Variants in COL9A2 observed in about 807,000 individuals in gnomAD.
COL9A2 encodes the protein collagen alpha-2(IX) chain.
In COL9A2, 66 loss-of-function variants were observed where a neutral mutation model predicts 111.6. The observed-to-expected ratio is 0.59, with a 90% confidence interval of 0.48 to 0.73. COL9A2 has a LOEUF of 0.73. COL9A2 is among the 30% of genes least tolerant of loss of function. COL9A2 has a pLI of 0.00. For synonymous variants in COL9A2, 353 were observed against 364.1 expected (o/e 0.97, Z 0.35); for missense variants, 881 against 954.1 (o/e 0.92, Z 1.01).
chr1:40,317,140 G>A lies in COL9A2; in HGVS notation c.58C>T (p.Leu20Phe), dbSNP rs1285805086. ...AAACTTACAATCTGCGCCAGAGCGA[G>A]CACTACCACCTGGAGGAGAACAAGG... is the stretch of plus-strand genomic sequence containing the variant. ...SLLVLLQVVV[L>F]ALAQIRGPPG... The change falls in exon 1 of 32, where the codon CTC (leucine) becomes TTC (phenylalanine). Residue 20 changes from leucine to phenylalanine, a missense_variant. Transcript: ENST00000372748. This position sits in a 1 kb window ranked among gnomAD's most constrained non-coding sequence, Gnocchi z 4.3. 2 of 1,584,194 alleles carry A rather than the reference G, an allele frequency of 1.3e-6. No individual in the cohort carries two copies. Among genetic ancestry groups the A allele is most frequent in the East Asian group, 2.3e-5 (1 of 42,768 alleles).
chr1:40,301,351 T>C lies in COL9A2; in HGVS notation c.1901A>G (p.Asn634Ser), dbSNP rs769578991. The change falls in exon 32 of 32, where the codon AAC (asparagine) becomes AGC (serine). Residue 634 changes from asparagine (N) to serine (S), a missense_variant. By Grantham distance (46) the Asn-to-Ser change is conservative (BLOSUM62 1). Transcript: ENST00000372748. The stretch of plus-strand genomic sequence containing the variant: ...GGACCCTCGATCTCCATCCTTGCCG[T>C]TGATTGCCTGGCCAGGCCGGCCAGG... ...GLPGRPGQAINGKDGDRGSPG... is the reference protein window; with the variant it reads ...GLPGRPGQAISGKDGDRGSPG... 5.0e-5 allele frequency: 80 copies of C among 1,608,818 alleles called. No homozygotes were observed. The highest frequency in any genetic ancestry group is 6.5e-5 in the Non-Finnish European group (76 of 1,176,592).
At chr1:40,309,853 T>A (rs1474278458) in intron 16 of COL9A2, 85 bp downstream of exon 16, 7 of 1,358,336 alleles carry the variant, frequency 5.2e-6, no homozygotes, top group Non-Finnish European at 7.4e-6. Flanking sequence ...TCATGCACTC[T>A]CACACACACA....
chr1:40,311,789 C>T lies in COL9A2; in HGVS notation c.418-74G>A, dbSNP rs920726886. ...CTTACCCTAGTGCCCTCCTCCAGGT[C>T]CTGCCTCTGCCCTCTCCACCCTGTC... On this transcript the variant is annotated intron_variant, in intron 8 of 31. Coordinates refer to ENST00000372748, the MANE Select transcript of COL9A2 (RefSeq NM_001852.4). This position sits in a 1 kb window ranked among gnomAD's most constrained non-coding sequence, Gnocchi z 5.1. 14 of 1,439,438 alleles carry T rather than the reference C, an allele frequency of 9.7e-6. No individual in the cohort carries two copies. The African/African-American group carries it at 1.5e-4, about 16-fold the overall frequency. The allele number at this position is 1,439,438 out of a possible 1,614,324, so 89.2% of individuals were successfully genotyped here. A position where few individuals can be genotyped will look rare whatever the true frequency, so the allele number is the denominator to read the frequency against.
rs1207346639 is a variant in COL9A2 at position 40,304,082 on chromosome 1, G to A, written c.1305C>T (p.Thr435=). The stretch of plus-strand genomic sequence containing the variant: ...AACTCACCACTTTGCCGCGGGGCCC[G>A]GTCTTCCCTGGGGAGCCCTGGAGAA... ...VKGDKGSPGK[T]GPRGKVGDPG... Residue 435 remains threonine (T), a synonymous_variant, in exon 25 of 32, where the codon ACC becomes ACT. Coordinates refer to ENST00000372748, the MANE Select transcript of COL9A2 (RefSeq NM_001852.4). 2 of 1,570,602 alleles carry A rather than the reference G, an allele frequency of 1.3e-6. No homozygotes were observed. Among genetic ancestry groups the A allele is most frequent in the African/African-American group, 1.3e-5 (1 of 74,436 alleles).
At position 40,300,715 on chromosome 1, in the gene COL9A2, C is replaced by G. The variant is rs960924666; in HGVS notation, c.*467G>C. 5.7e-5 allele frequency: 9 copies of G among 157,488 alleles called. No individual in the cohort carries two copies. Among genetic ancestry groups the G allele is most frequent in the African/African-American group, 2.2e-4 (9 of 41,538 alleles). 9.8% of individuals were successfully genotyped at this position (157,488 alleles called of 1,614,324 possible). A position where few individuals can be genotyped will look rare whatever the true frequency, so the allele number is the denominator to read the frequency against. On this transcript the variant is annotated 3_prime_UTR_variant, in exon 32 of 32. Transcript: ENST00000372748. The surrounding 1 kb of genome is among the most constrained non-coding windows in gnomAD (Gnocchi z 4.4). ...CAGGGGAGTCACCCAGCAGCAGTCA[C>G]CTGGTAGGTCCAGAGAGTGAGATGG...
rs372902486 is a variant in COL9A2, at chr1:40,301,389, C to T, written c.1871-8G>A. 4 of 1,604,768 alleles carry T rather than the reference C, an allele frequency of 2.5e-6. No individual in the cohort carries two copies. The African/African-American group carries it at 4.0e-5, about 16-fold the overall frequency. ...CAGGCCGGCCAGGGAGTCCTGTGAA[C>T]AGGAGAAAGTCAAGACATTAGGGGC... On this transcript the variant is annotated splice_region_variant and splice_polypyrimidine_tract_variant and intron_variant, in intron 31 of 31. Transcript: ENST00000372748.
In COL9A2 at chr1:40,303,150, C is replaced by T. The variant is rs780267285; in HGVS notation, c.1584G>A (p.Val528=). ...CCTCACCTTGCAGCATCTTCAGCGC[C>T]ACATCCACGATGTGCTGGTCAGTGG... ...RDATDQHIVD[V]ALKMLQEQLA... The change falls in exon 29 of 32, where the codon GTG becomes GTA. Residue 528 remains valine, a synonymous_variant. Transcript: ENST00000372748. This position sits in a 1 kb window ranked among gnomAD's most constrained non-coding sequence, Gnocchi z 4.6. The T allele has an allele frequency of 1.9e-6, 3 of 1,612,900 alleles. No individual in the cohort carries two copies. The East Asian group carries it at 6.7e-5, about 36-fold the overall frequency.
rs754923359 is a variant in COL9A2, at chr1:40,304,850, G to A, written c.1108-3C>T. On this transcript the variant is annotated splice_region_variant and splice_polypyrimidine_tract_variant and intron_variant, in intron 21 of 31. Coordinates refer to ENST00000372748, the MANE Select transcript of COL9A2 (RefSeq NM_001852.4). ...TCTCCTCGAGGCCCTGGCTCTCCCT[G>A]GAGGAAGGAGAAATTGGGGCTAAGC... The A allele has an allele frequency of 1.2e-5, 18 of 1,549,756 alleles. No individual in the cohort carries two copies. The African/African-American group carries it at 2.5e-4, about 21-fold the overall frequency.
At chr1:40,313,171 C>CT (rs5773690) in intron 4 of COL9A2, among the ~76,000 whole-genome samples, 21,626 of 148,858 alleles carry the variant, frequency 0.15, 1,949 homozygotes, top group East Asian at 0.41. Context: ...CTTTTTCTTT[C>CT]TTTTTTTTTT....
intron 21 of COL9A2, 147 bp downstream of exon 21, chr1:40,305,568 A>T: frequency 1.3e-6 from 1 of 749,894 alleles, no homozygotes; most frequent in Non-Finnish European, 2.3e-6. Flanking sequence ...GTACATAGGG[A>T]AACAGGCCCA....
At chr1:40,304,693 C>T in intron 22 of COL9A2, 101 bp downstream of exon 22, 1 of 1,406,318 alleles carries the variant, frequency 7.1e-7, no homozygotes, top group Middle Eastern at 2.3e-4. Flanking sequence ...TAGGCCCTGC[C>T]TGGGGAGGCA....
In COL9A2 at chr1:40,301,665, C is replaced by T. The variant is rs149823112; in HGVS notation, c.1870+147G>A. The T allele has an allele frequency of 8.9e-3, 6,894 of 774,794 alleles. 45 individuals are homozygous for T. Among genetic ancestry groups the T allele is most frequent in the Non-Finnish European group, 0.01 (4,996 of 482,284 alleles). The allele number at this position is 774,794 out of a possible 1,614,324, so 48.0% of individuals were successfully genotyped here. A position where few individuals can be genotyped will look rare whatever the true frequency, so the allele number is the denominator to read the frequency against. On this transcript the variant is annotated intron_variant, in intron 31 of 31. Coordinates refer to ENST00000372748, the MANE Select transcript of COL9A2 (RefSeq NM_001852.4). ...CAGAGCTGGAACCACCCAGAGACTC[C>T]GGGGTGCTCCAAAGGGGTGCAGAAG...
intron 22 of COL9A2, 99 bp downstream of exon 22, chr1:40,304,695 G>A (rs1030662156): frequency 1.9e-5 from 26 of 1,396,244 alleles, no homozygotes; most frequent in East Asian, 2.5e-5. Context: ...GGCCCTGCCT[G>A]GGGAGGCATC....
In COL9A2 at chr1:40,307,412, C is replaced by G; in HGVS notation, c.1008+34G>C. ...TTCTAACCTCATCAGCCACTAGCCC[C>G]TGGCCAGCCCCTGTGGCTCCACCTG... On this transcript the variant is annotated intron_variant, in intron 19 of 31. Transcript: ENST00000372748. The surrounding 1 kb of genome is among the most constrained non-coding windows in gnomAD (Gnocchi z 4.8). 6.2e-7 allele frequency: 1 copy of G among 1,609,648 alleles called. No individual in the cohort carries two copies. Among genetic ancestry groups the G allele is most frequent in the Admixed American group, 1.7e-5 (1 of 59,644 alleles).
At chr1:40,306,269 C>T (rs1644028486) in intron 19 of COL9A2, 82 bp from the exon 20 acceptor site, 1 of 1,489,708 alleles carries the variant, frequency 6.7e-7, no homozygotes, top group Non-Finnish European at 9.3e-7. Flanking sequence ...CATCCCCAAT[C>T]CAGATTTCCC....
Position 40,305,717 on chromosome 1 carries a change from C to T in COL9A2, c.1105G>A (p.Glu369Lys). 3.7e-6 allele frequency: 6 copies of T among 1,614,106 alleles called. No individual in the cohort carries two copies. The highest frequency in any genetic ancestry group is 1.1e-5 in the South Asian group (1 of 91,086). The change falls in exon 21 of 32, where the codon GAG (glutamate) becomes AAG (lysine). Residue 369 changes from glutamate (E) to lysine (K), a missense_variant and splice_region_variant. Glu to Lys is a moderately conservative substitution (Grantham distance 56). Coordinates refer to ENST00000372748, the MANE Select transcript of COL9A2 (RefSeq NM_001852.4). ...GTGTCAGTGCAGGGGGCATTTACCT[C>T]TTTCCCAGGGGGACCAGAGAATCCA... ...LPGFSGPPGKEGEPGPRGEIG... is the reference protein window; with the variant it reads ...LPGFSGPPGKKGEPGPRGEIG...
In COL9A2 at chr1:40,310,264, C is replaced by T. The variant is rs1390859645; in HGVS notation, c.738G>A (p.Thr246=). The change falls in exon 14 of 32, where the codon ACG becomes ACA. Residue 246 remains threonine (T), a splice_region_variant and synonymous_variant. Coordinates refer to ENST00000372748, the MANE Select transcript of COL9A2 (RefSeq NM_001852.4). This position sits in a 1 kb window ranked among gnomAD's most constrained non-coding sequence, Gnocchi z 4.9. The stretch of plus-strand genomic sequence containing the variant: ...GTAGAACACCCCAAGATTCACTTAC[C>T]GTCTCTCCCTTGGGCCCTGCCATGC... The part of the protein sequence containing the change: ...YPGMAGPKGE[T]GPHGYKGMVG... 1.2e-5 allele frequency: 20 copies of T among 1,614,002 alleles called. No individual in the cohort carries two copies. Among genetic ancestry groups the T allele is most frequent in the East Asian group, 2.2e-5 (1 of 44,890 alleles).
At position 40,308,380 on chromosome 1, in the gene COL9A2, C is replaced by T. The variant is rs574113226; in HGVS notation, c.847-135G>A. 5.4e-5 allele frequency: 49 copies of T among 903,848 alleles called. No individual in the cohort carries two copies. In the South Asian group the frequency reaches 6.1e-4, roughly 11 times the overall value. 56.0% of individuals were successfully genotyped at this position (903,848 alleles called of 1,614,324 possible). ...GGCACAGGCCACACCATGCAGGGGC[C>T]GGAGGAGAGAGCCTTGGGAGTACCC... On this transcript the variant is annotated intron_variant, in intron 16 of 31. Transcript: ENST00000372748.
chr1:40,302,754 G>A lies in COL9A2; in HGVS notation c.1659C>T (p.Gly553=), dbSNP rs1194319280. Residue 553 remains glycine, a synonymous_variant, in exon 30 of 32, where the codon GGC becomes GGT. Transcript: ENST00000372748. The surrounding 1 kb of genome is among the most constrained non-coding windows in gnomAD (Gnocchi z 4.5). ...CAGGAGGTCCTGGAGGACCCATCAT[G>A]CCCACCGCACCCAGGGCTTCCCGCT... ...SAKREALGAV[G]MMGPPGPPGP... is the part of the protein sequence containing the mutation. The A allele has an allele frequency of 1.5e-6, 2 of 1,316,232 alleles. No homozygotes were observed. The highest frequency in any genetic ancestry group is 2.4e-5 in the South Asian group (2 of 82,312). The allele number at this position is 1,316,232 out of a possible 1,614,324, so 81.5% of individuals were successfully genotyped here. A position where few individuals can be genotyped will look rare whatever the true frequency, so the allele number is the denominator to read the frequency against.
Sources: gnomAD v4.1 joint callset for allele counts (sites outside exome capture counted in the v4.1 genomes callset) on GRCh38, gnomAD v4.1.1 for gene constraint, Gnocchi (gnomAD v3.1) non-coding constraint, MANE v1.5 for transcripts, NCBI Gene and HGNC (gene_info 2026-07-23, HGNC 2026-07-21) for gene names.